The following ME3 variants were observed in gnomAD, a reference collection of about 807,000 sequenced individuals.
ME3 encodes NADP-dependent malic enzyme, mitochondrial.
ME3 carries 48 observed loss-of-function variants against 68.9 expected under a neutral mutation model. That is an observed-to-expected ratio of 0.70 (90% CI 0.55 to 0.89). ME3 has a LOEUF of 0.89. ME3 is among the 40% of genes least tolerant of loss of function. The probability of loss-of-function intolerance (pLI) is 0.00; values close to 1 mark genes in which losing one functional copy is unlikely to be tolerated. For missense variants in ME3, 675 were observed against 797.4 expected (o/e 0.85, Z 1.85); for synonymous variants, 320 against 318.8 (o/e 1.00, Z -0.04).
intron 4 of ME3, among the ~76,000 whole-genome samples, chr11:86,520,842 G>C (rs1284949112): frequency 6.6e-6 from 1 of 152,156 alleles, no homozygotes; most frequent in East Asian, 1.9e-4. Flanking sequence ...GTTTTTCTAC[G>C]ACTATATCTA....
chr11:86,585,689 A>G (rs546500248), intron 2 of ME3, among the ~76,000 whole-genome samples: 1 of 152,204 alleles, frequency 6.6e-6, no homozygotes, highest in Non-Finnish European at 1.5e-5. Context: ...GTAAAGAATT[A>G]AGTTGAAAAT....
At position 86,446,244 on chromosome 11, in the gene ME3, T is replaced by A. The variant is rs1019326746; in HGVS notation, c.1554+70A>T. 2.6e-6 allele frequency: 4 copies of A among 1,540,146 alleles called. No individual in the cohort carries two copies. The African/African-American group carries it at 4.1e-5, about 16-fold the overall frequency. ...AGATGGGCAGAAGAGATAAGAGAGA[T>A]CTGGTATAGGACCCAGTGTCAACCC... On this transcript the variant is annotated intron_variant, in intron 13 of 14. Transcript: ENST00000543262.
intron 4 of ME3, among the ~76,000 whole-genome samples, chr11:86,538,773 A>G (rs1016767293): frequency 6.6e-6 from 1 of 152,130 alleles, no homozygotes; most frequent in Non-Finnish European, 1.5e-5. Flanking sequence ...ACCCCACTGG[A>G]AAGTGCATCA....
At chr11:86,634,126 G>T (rs1239837451) in intron 2 of ME3, among the ~76,000 whole-genome samples, 1 of 151,978 alleles carries the variant, frequency 6.6e-6, no homozygotes, top group Non-Finnish European at 1.5e-5. Context: ...GAAGGAGGAA[G>T]AAAAAAAGGA....
At chr11:86,474,887 A>G (rs1470679476) in intron 7 of ME3, among the ~76,000 whole-genome samples, 1 of 152,256 alleles carries the variant, frequency 6.6e-6, no homozygotes, top group African/African-American at 2.4e-5. Flanking sequence ...CTTGTAGTTT[A>G]TAAATTCCTT....
At chr11:86,464,953 T>C in intron 8 of ME3, 138 bp downstream of exon 8, 1 of 648,668 alleles carries the variant, frequency 1.5e-6, no homozygotes. Context: ...GAATCTAAGT[T>C]TAATATTCTT....
chr11:86,599,199 T>C (rs933178924), intron 2 of ME3, among the ~76,000 whole-genome samples: 5 of 152,092 alleles, frequency 3.3e-5, no homozygotes, highest in African/African-American at 4.8e-5. Flanking sequence ...GTTGAAAACA[T>C]TGAAAAAAAT....
At chr11:86,462,484 G>A (rs1365807338) in intron 8 of ME3, 1 of 892,068 alleles carries the variant, frequency 1.1e-6, no homozygotes, top group Non-Finnish European at 1.3e-6. Flanking sequence ...CACCACCTTT[G>A]TTCAAGGGTC....
At chr11:86,654,095 C>G (rs1168048566) in intron 2 of ME3, among the ~76,000 whole-genome samples, 1 of 152,054 alleles carries the variant, frequency 6.6e-6, no homozygotes, top group Non-Finnish European at 1.5e-5. Flanking sequence ...GAAATTGAGG[C>G]AATAATTAAT....
At chr11:86,448,180 C>G in exon 11 of ME3, 1 of 1,614,106 alleles carries the variant, frequency 6.2e-7, no homozygotes, top group Non-Finnish European at 8.5e-7. Flanking sequence ...ACCAGCCTCA[C>G]CACCTCCTCC....
At chr11:86,562,396 G>A (rs1045292904) in intron 2 of ME3, among the ~76,000 whole-genome samples, 13 of 152,074 alleles carry the variant, frequency 8.5e-5, no homozygotes, top group African/African-American at 2.9e-4. Context: ...TTAATCAGTT[G>A]GATAATATGT....
chr11:86,617,321 T>C lies in ME3; in HGVS notation c.183+54441A>G, dbSNP rs531530357. On this transcript the variant is annotated intron_variant, in intron 2 of 14. Transcript: ENST00000543262. ...CAACAAATGTAAGCCATATGTTTAT[T>C]TTGTTTAGTTTGAAGGTTCTTCTTT... Among the ~76,000 whole-genome samples, 13 of 152,128 alleles carry C rather than the reference T, an allele frequency of 8.5e-5. No individual in the cohort carries two copies. The South Asian group carries it at 2.7e-3, about 32-fold the overall frequency.
chr11:86,565,080 A>G (rs1957416272), intron 2 of ME3, among the ~76,000 whole-genome samples: 1 of 152,242 alleles, frequency 6.6e-6, no homozygotes, highest in South Asian at 2.1e-4. Flanking sequence ...GGCCAATAGC[A>G]CATGGAAAGA....
chr11:86,638,440 A>T (rs1020513119), intron 2 of ME3, among the ~76,000 whole-genome samples: 1 of 152,194 alleles, frequency 6.6e-6, no homozygotes, highest in Non-Finnish European at 1.5e-5. Flanking sequence ...GCAAAAAAAA[A>T]TCACAACCAC....
At chr11:86,518,701 G>A (rs1954057313) in intron 4 of ME3, among the ~76,000 whole-genome samples, 1 of 152,152 alleles carries the variant, frequency 6.6e-6, no homozygotes, top group African/African-American at 2.4e-5. Context: ...TGGTGGAGGT[G>A]ATCTTCAGCT....
chr11:86,659,618 G>C (rs144067540), intron 2 of ME3, among the ~76,000 whole-genome samples: 1 of 152,170 alleles, frequency 6.6e-6, no homozygotes, highest in African/African-American at 2.4e-5. Context: ...TTAACTACCC[G>C]TGGCAGTGTG....
At chr11:86,632,065 C>T (rs1944052270) in intron 2 of ME3, among the ~76,000 whole-genome samples, 1 of 152,146 alleles carries the variant, frequency 6.6e-6, no homozygotes, top group Non-Finnish European at 1.5e-5. Context: ...TGAAGAAGAC[C>T]ACAGATGAAG....
chr11:86,631,791 G>A (rs1478980678), intron 2 of ME3, among the ~76,000 whole-genome samples: 1 of 152,164 alleles, frequency 6.6e-6, no homozygotes, highest in Non-Finnish European at 1.5e-5. Context: ...GGAGTGTAGT[G>A]GCACAATTTC....
chr11:86,645,326 C>T (rs1944929577), intron 2 of ME3, among the ~76,000 whole-genome samples: 1 of 152,228 alleles, frequency 6.6e-6, no homozygotes, highest in Non-Finnish European at 1.5e-5. Flanking sequence ...GAAATTCTCA[C>T]TGCCAGCACA....
Sources: allele counts gnomAD v4.1 joint callset (sites outside exome capture counted in the v4.1 genomes callset), GRCh38; gene constraint gnomAD v4.1.1; transcripts MANE v1.5; gene names NCBI Gene and HGNC (gene_info 2026-07-23, HGNC 2026-07-21).